Variants in ASTN2 observed in about 807,000 individuals in gnomAD.
ASTN2 encodes astrotactin 2.
ASTN2 carries 54 observed loss-of-function variants against 139.8 expected under a neutral mutation model. That is an observed-to-expected ratio of 0.39 (90% CI 0.31 to 0.48). The LOEUF (loss-of-function observed/expected upper bound fraction) is 0.48. ASTN2 is among the 20% of genes least tolerant of loss of function. The pLI is 0.95. For missense variants in ASTN2, 1,565 were observed against 1,725.1 expected, an observed-to-expected ratio of 0.91 and a Z score of 1.64; for synonymous variants, 756 against 719.5, an observed-to-expected ratio of 1.05 and a Z score of -0.81.
rs374454790 is a variant in ASTN2, at chr9:116,970,875, C to G, written c.1889+4333G>C. Among the ~76,000 whole-genome samples the G allele has an allele frequency of 2.3e-4, 35 of 152,170 alleles. 4 individuals are homozygous for G. The highest frequency in any genetic ancestry group is 1.8e-3 in the Admixed American group (27 of 15,278). On this transcript the variant is annotated intron_variant, in intron 10 of 22. Coordinates refer to ENST00000313400, the MANE Select transcript of ASTN2 (RefSeq NM_001365068.1). ...CTGAGCTTTGTGGGTGATTATTATTCCAACTATAATAGCTATTCTCACATT... is the reference window on the plus strand; with the variant it reads ...CTGAGCTTTGTGGGTGATTATTATTGCAACTATAATAGCTATTCTCACATT...
At chr9:117,406,779 C>G (rs1167242517) in intron 1 of ASTN2, among the ~76,000 whole-genome samples, 1 of 151,720 alleles carries the variant, frequency 6.6e-6, no homozygotes, top group Non-Finnish European at 1.5e-5. Context: ...TTAGTTTTTT[C>G]CCTTTTCCAT....
intron 1 of ASTN2, among the ~76,000 whole-genome samples, chr9:117,319,540 G>C (rs1268688493): frequency 6.6e-6 from 1 of 151,626 alleles, no homozygotes; most frequent in Non-Finnish European, 1.5e-5. Flanking sequence ...CAATTCTCAT[G>C]CCTCAGCCTC....
intron 6 of ASTN2, among the ~76,000 whole-genome samples, chr9:117,013,628 A>G (rs1315482526): frequency 2.6e-5 from 4 of 152,050 alleles, no homozygotes; most frequent in Non-Finnish European, 5.9e-5. Flanking sequence ...GGAGGTCCTC[A>G]TTAACTCTGA....
intron 13 of ASTN2, among the ~76,000 whole-genome samples, chr9:116,754,273 G>A (rs770821937): frequency 3.9e-5 from 6 of 152,056 alleles, no homozygotes; most frequent in Admixed American, 2.6e-4. Flanking sequence ...ATAAACATAC[G>A]TGTGCATGTG....
intron 20 of ASTN2, among the ~76,000 whole-genome samples, chr9:116,446,518 A>C (rs1848004079): frequency 6.6e-6 from 1 of 152,188 alleles, no homozygotes; most frequent in Non-Finnish European, 1.5e-5. Flanking sequence ...TTGCCAATAG[A>C]TTCATACAAA....
At chr9:116,974,850 C>T (rs1002326710) in intron 10 of ASTN2, among the ~76,000 whole-genome samples, 6 of 152,158 alleles carry the variant, frequency 3.9e-5, no homozygotes, top group South Asian at 4.1e-4. Flanking sequence ...GCCCAAAGCA[C>T]ATCCCATGGA....
At chr9:116,994,213 A>T (rs1260907520) in intron 7 of ASTN2, among the ~76,000 whole-genome samples, 1 of 152,178 alleles carries the variant, frequency 6.6e-6, no homozygotes, top group East Asian at 1.9e-4. Flanking sequence ...TGACTGCTCA[A>T]TTCTGATGTT....
At chr9:117,132,705 G>A (rs999181844) in intron 4 of ASTN2, among the ~76,000 whole-genome samples, 1 of 152,048 alleles carries the variant, frequency 6.6e-6, no homozygotes, top group Non-Finnish European at 1.5e-5. Context: ...ACAACCTGTG[G>A]GTCACCGGGT....
intron 3 of ASTN2, among the ~76,000 whole-genome samples, chr9:117,213,342 G>A (rs1832203264): frequency 6.6e-6 from 1 of 152,064 alleles, no homozygotes. Context: ...TTTATTAAAG[G>A]AAATAAAATT....
At chr9:116,843,366 G>A (rs1170886224) in intron 11 of ASTN2, among the ~76,000 whole-genome samples, 1 of 152,168 alleles carries the variant, frequency 6.6e-6, no homozygotes, top group Non-Finnish European at 1.5e-5. Context: ...TCACTTATAA[G>A]TGGGAGCTAG....
chr9:117,116,053 T>TATATATATATATA (rs55920877), intron 4 of ASTN2, among the ~76,000 whole-genome samples: 1 of 150,442 alleles, frequency 6.6e-6, no homozygotes, highest in South Asian at 2.1e-4. Flanking sequence ...TATATATATA[T>TATATATATATATA]TGCTCCCATC....
At chr9:116,637,485 A>AT (rs1275488279) in intron 17 of ASTN2, among the ~76,000 whole-genome samples, 3 of 152,186 alleles carry the variant, frequency 2.0e-5, no homozygotes, top group Admixed American at 1.3e-4. Flanking sequence ...GGCATACAGT[A>AT]TTTTTTTGAG....
intron 11 of ASTN2, among the ~76,000 whole-genome samples, chr9:116,823,688 C>T (rs1415217870): frequency 2.0e-5 from 3 of 152,100 alleles, no homozygotes; most frequent in Middle Eastern, 3.2e-3. Context: ...GTCTCTCTCC[C>T]CAAGATGATT....
intron 19 of ASTN2, among the ~76,000 whole-genome samples, chr9:116,605,279 G>C (rs1466905114): frequency 1.3e-5 from 2 of 152,154 alleles, no homozygotes; most frequent in African/African-American, 4.8e-5. Context: ...TCCAGATGTT[G>C]CTGCCTTGTA....
intron 19 of ASTN2, chr9:116,546,804 CTCTGA>C (rs1852114221): frequency 2.6e-5 from 4 of 152,132 alleles, no homozygotes; most frequent in Admixed American, 2.6e-4. Flanking sequence ...ATTTCCAACT[CTCTGA>C]TGAGAAAACT....
chr9:117,291,301 C>A, intron 2 of ASTN2, 25 bp downstream of exon 2: 2 of 1,613,282 alleles, frequency 1.2e-6, no homozygotes, highest in Non-Finnish European at 1.7e-6. Flanking sequence ...ATCCCCGACC[C>A]CGGTCACATC....
At chr9:116,504,800 G>A (rs1159747887) in intron 19 of ASTN2, among the ~76,000 whole-genome samples, 3 of 151,434 alleles carry the variant, frequency 2.0e-5, no homozygotes, top group African/African-American at 2.4e-5. Flanking sequence ...GGAAGCTGAG[G>A]TGGGAGGATC....
chr9:117,364,179 G>T (rs1316856396), intron 1 of ASTN2, among the ~76,000 whole-genome samples: 1 of 152,130 alleles, frequency 6.6e-6, no homozygotes, highest in East Asian at 1.9e-4. Flanking sequence ...TTTCAGAAGA[G>T]TAAATTCATG....
intron 10 of ASTN2, among the ~76,000 whole-genome samples, chr9:116,956,362 G>C (rs2132494973): frequency 6.7e-6 from 1 of 148,986 alleles, no homozygotes; most frequent in Non-Finnish European, 1.5e-5. Context: ...GCCTCCCAAA[G>C]GGCTGGGATT....
Sources: allele counts gnomAD v4.1 joint callset (sites outside exome capture counted in the v4.1 genomes callset), GRCh38; gene constraint gnomAD v4.1.1; transcripts MANE v1.5; gene names NCBI Gene and HGNC (gene_info 2026-07-23, HGNC 2026-07-21).